The following ZNF385D variants were observed in gnomAD, a reference collection of about 807,000 sequenced individuals.
ZNF385D encodes zinc finger protein 385D, also known as zinc finger protein 659.
In ZNF385D, 15 loss-of-function variants were observed where a neutral mutation model predicts 35.8. The observed-to-expected ratio is 0.42, with a 90% CI of 0.28 to 0.64. The LOEUF (loss-of-function observed/expected upper bound fraction) is 0.64. ZNF385D is among the 30% of genes least tolerant of loss of function. The probability of loss-of-function intolerance (pLI) is 0.23; values close to 1 mark genes in which losing one functional copy is unlikely to be tolerated. For synonymous variants in ZNF385D, 212 were observed against 186.8 expected (o/e 1.13, Z -1.10); for missense variants, 474 against 494.6 (o/e 0.96, Z 0.39).
At chr3:22,070,886 T>C (rs1351325) in intron 3 of ZNF385D, among the ~76,000 whole-genome samples, 19,910 of 152,128 alleles carry the variant, frequency 0.13, 1,603 homozygotes, top group Middle Eastern at 0.22. Flanking sequence ...TTCTTCTGTC[T>C]TCAGAAAGCA....
chr3:21,804,483 G>A (rs1354391452), intron 3 of ZNF385D, among the ~76,000 whole-genome samples: 3 of 152,108 alleles, frequency 2.0e-5, no homozygotes, highest in Non-Finnish European at 4.4e-5. Flanking sequence ...GAATTCCTAT[G>A]AACAAGAGAT....
chr3:22,175,840 G>A (rs1054436785), intron 2 of ZNF385D, among the ~76,000 whole-genome samples: 1 of 150,090 alleles, frequency 6.7e-6, no homozygotes, highest in Non-Finnish European at 1.5e-5. Flanking sequence ...TACTTCAGTA[G>A]TGAATCTTCC....
chr3:21,808,130 A>C (rs2072737140), intron 3 of ZNF385D, among the ~76,000 whole-genome samples: 1 of 152,250 alleles, frequency 6.6e-6, no homozygotes, highest in Admixed American at 6.5e-5. Context: ...TCATATACAA[A>C]ATAGTAGTGA....
Position 21,772,501 on chromosome 3 carries a change from T to C in ZNF385D, c.326-107473A>G, listed in dbSNP as rs571432472. ...AAGATGCTCACAAACATTAGAGAAA[T>C]GCACATCAAAACAAAATGAGATATT... On this transcript the variant is annotated intron_variant, in intron 3 of 5. Transcript: ENST00000494108. Among the ~76,000 whole-genome samples the C allele has an allele frequency of 4.6e-5, 7 of 151,696 alleles. No homozygotes were observed. The South Asian group carries it at 6.2e-4, about 14-fold the overall frequency.
At chr3:21,672,148 C>T (rs981542412) in intron 1 of ZNF385D, among the ~76,000 whole-genome samples, 3 of 152,154 alleles carry the variant, frequency 2.0e-5, no homozygotes, top group Non-Finnish European at 4.4e-5. Flanking sequence ...AAACTCCATC[C>T]AGTTCCCATC....
At chr3:22,259,826 CAT>C (rs1281450554) in intron 2 of ZNF385D, among the ~76,000 whole-genome samples, 2 of 148,364 alleles carry the variant, frequency 1.3e-5, no homozygotes, top group Non-Finnish European at 3.0e-5. Context: ...CAAATGCCAA[CAT>C]AGTGAGGAAA....
At position 22,253,104 on chromosome 3, in the gene ZNF385D, T is replaced by C. The variant is rs367767686; in HGVS notation, c.107-84069A>G. Among the ~76,000 whole-genome samples the C allele has an allele frequency of 1.8e-4, 27 of 152,054 alleles. No individual in the cohort carries two copies. In the East Asian group the frequency reaches 4.1e-3, roughly 23 times the overall value. The stretch of plus-strand genomic sequence containing the variant: ...AGAAGGTGTTTTGGACAAATCTTGG[T>C]CTCCCACACTGAGGGAATGGATAGA... On this transcript the variant is annotated intron_variant, in intron 2 of 5. Transcript: ENST00000494108.
At chr3:22,068,890 T>C (rs1017000071) in intron 3 of ZNF385D, among the ~76,000 whole-genome samples, 7 of 152,192 alleles carry the variant, frequency 4.6e-5, no homozygotes, top group African/African-American at 1.7e-4. Flanking sequence ...ACACTTAAAG[T>C]CAATTTAACA....
At chr3:22,297,718 A>G (rs1575065946) in intron 2 of ZNF385D, among the ~76,000 whole-genome samples, 1 of 152,134 alleles carries the variant, frequency 6.6e-6, no homozygotes, top group East Asian at 1.9e-4. Flanking sequence ...GCGAGGATTC[A>G]TAACTGGGAA....
rs754711501 is a variant in ZNF385D at position 22,048,660 on chromosome 3, T to C, written c.325+120157A>G. On this transcript the variant is annotated intron_variant, in intron 3 of 5. Transcript: ENST00000494108. The stretch of plus-strand genomic sequence containing the variant: ...TTGATTATTATAGTTTTGCAGTCAA[T>C]TTTGAAATCAGGTAATGTGATGCCT... Among the ~76,000 whole-genome samples the C allele has an allele frequency of 9.8e-5, 15 of 152,302 alleles. 1 individual carries two copies. Among genetic ancestry groups the C allele is most frequent in the Non-Finnish European group, 2.1e-4 (14 of 68,016 alleles).
intron 2 of ZNF385D, among the ~76,000 whole-genome samples, chr3:21,570,769 C>T (rs748887812): frequency 1.3e-5 from 2 of 152,052 alleles, no homozygotes; most frequent in Non-Finnish European, 1.5e-5. Context: ...TACCCCTGTG[C>T]GTCTCTCAGG....
chr3:21,437,652 T>C (rs1384632745), intron 4 of ZNF385D, among the ~76,000 whole-genome samples: 2 of 129,766 alleles, frequency 1.5e-5, no homozygotes, highest in Non-Finnish European at 3.1e-5. Flanking sequence ...TTTCATTGTT[T>C]CTTTTTTTAA....
intron 3 of ZNF385D, among the ~76,000 whole-genome samples, chr3:21,925,417 C>G (rs1019222318): frequency 2.0e-5 from 3 of 152,094 alleles, no homozygotes; most frequent in Non-Finnish European, 2.9e-5. Flanking sequence ...CAGGTATACA[C>G]AAAAACATGT....
At chr3:21,941,215 G>C (rs981651134) in intron 3 of ZNF385D, among the ~76,000 whole-genome samples, 12 of 152,154 alleles carry the variant, frequency 7.9e-5, no homozygotes, top group Non-Finnish European at 1.5e-4. Flanking sequence ...TTTCTTAGCT[G>C]TGTGACCTAG....
chr3:22,046,557 T>C (rs151054054), intron 3 of ZNF385D, among the ~76,000 whole-genome samples: 2 of 152,322 alleles, frequency 1.3e-5, no homozygotes, highest in East Asian at 3.9e-4. Flanking sequence ...AATTTTCTTG[T>C]CTTCTTCCAC....
chr3:21,627,969 C>G (rs1162991057), intron 2 of ZNF385D, among the ~76,000 whole-genome samples: 2 of 152,234 alleles, frequency 1.3e-5, no homozygotes, highest in Admixed American at 1.3e-4. Flanking sequence ...TAAAAAATGT[C>G]AAGTGCCTTC....
chr3:21,836,380 C>A (rs924650834), intron 3 of ZNF385D, among the ~76,000 whole-genome samples: 7 of 152,048 alleles, frequency 4.6e-5, no homozygotes, highest in Non-Finnish European at 8.8e-5. Context: ...ACATAGATAC[C>A]TTTACACTTC....
intron 2 of ZNF385D, among the ~76,000 whole-genome samples, chr3:22,357,100 A>ATACATAATTACATAAT (rs1559539014): frequency 1.3e-5 from 2 of 151,964 alleles, no homozygotes; most frequent in Non-Finnish European, 2.9e-5. Flanking sequence ...AGAAGTTCAC[A>ATACATAATTACATAAT]TACATAATTA....
At chr3:21,894,145 C>T (rs956013082) in intron 3 of ZNF385D, among the ~76,000 whole-genome samples, 2 of 152,060 alleles carry the variant, frequency 1.3e-5, no homozygotes, top group Non-Finnish European at 2.9e-5. Flanking sequence ...TTTTAAATTG[C>T]ACTAAGCTAG....
Sources: gnomAD v4.1 joint callset for allele counts (sites outside exome capture counted in the v4.1 genomes callset) on GRCh38, gnomAD v4.1.1 for gene constraint, MANE v1.5 for transcripts, NCBI Gene and HGNC (gene_info 2026-07-23, HGNC 2026-07-21) for gene names.